The following DLGAP2 variants were observed in gnomAD, a reference collection of about 807,000 sequenced individuals.
DLGAP2 encodes DLG associated protein 2.
A neutral mutation model predicts 100.3 loss-of-function variants in DLGAP2; 26 were observed. The ratio of observed to expected loss-of-function variants is 0.26; its 90% CI spans 0.19 to 0.36. DLGAP2 has a LOEUF of 0.36. Ranked by LOEUF, DLGAP2 falls within the 10% of genes least tolerant of loss-of-function variation. The pLI is 1.00. For synonymous variants in DLGAP2, 886 were observed against 630.1 expected (o/e 1.41, Z -6.08); for missense variants, 1,858 against 1,453.2 (o/e 1.28, Z -4.53).
Position 1,298,410 on chromosome 8 carries a change from G to T in DLGAP2, c.106+39527G>T, listed in dbSNP as rs565343570. The stretch of plus-strand genomic sequence containing the variant: ...TCGCCGTCCCTCAGTGGAGACACCA[G>T]GAAGCCCTGGATCACAGTGTGACAC... On this transcript the variant is annotated intron_variant, in intron 3 of 14. Transcript: ENST00000637795. 3.9e-5 allele frequency among the ~76,000 whole-genome samples: 6 copies of T among 152,314 alleles called. No homozygotes were observed. In the East Asian group the frequency reaches 9.6e-4, roughly 24 times the overall value.
At chr8:882,176 G>A (rs1199495215) in intron 1 of DLGAP2, among the ~76,000 whole-genome samples, 4 of 152,230 alleles carry the variant, frequency 2.6e-5, no homozygotes, top group Non-Finnish European at 1.5e-5. Flanking sequence ...AGACCCAGCT[G>A]AGGCCTGAGA....
At chr8:1,020,369 G>C (rs1342729633) in intron 2 of DLGAP2, among the ~76,000 whole-genome samples, 1 of 152,200 alleles carries the variant, frequency 6.6e-6, no homozygotes, top group South Asian at 2.1e-4. Context: ...TTTATTCAAT[G>C]GTTCTGGTTG....
chr8:1,369,896 C>G (rs1431390620), intron 3 of DLGAP2: 2 of 152,252 alleles, frequency 1.3e-5, no homozygotes, highest in Admixed American at 1.3e-4. Context: ...CGTCCTGGGG[C>G]GTGCAGAGGC....
intron 2 of DLGAP2, among the ~76,000 whole-genome samples, chr8:1,146,601 A>G (rs1328100035): frequency 6.6e-6 from 1 of 151,890 alleles, no homozygotes; most frequent in African/African-American, 2.4e-5. Flanking sequence ...GCACCTGCGC[A>G]TGTGTGTGCA....
At chr8:1,476,204 C>T (rs878940057) in intron 3 of DLGAP2, among the ~76,000 whole-genome samples, 2 of 152,158 alleles carry the variant, frequency 1.3e-5, no homozygotes, top group East Asian at 1.9e-4. Context: ...ATGCGTGGCT[C>T]GTCCTGGTAC....
At chr8:1,251,329 A>T (rs1416948843) in intron 2 of DLGAP2, among the ~76,000 whole-genome samples, 2 of 152,236 alleles carry the variant, frequency 1.3e-5, no homozygotes, top group Non-Finnish European at 2.9e-5. Context: ...ATTAAAGAGT[A>T]CACATCCAAA....
chr8:752,206 T>A (rs1367925091), intron 1 of DLGAP2, among the ~76,000 whole-genome samples: 1 of 152,186 alleles, frequency 6.6e-6, no homozygotes, highest in African/African-American at 2.4e-5. Context: ...GAGGTCAGTG[T>A]GGGCTGAATC....
At chr8:1,554,661 G>A (rs528901441) in intron 5 of DLGAP2, among the ~76,000 whole-genome samples, 49 of 152,242 alleles carry the variant, frequency 3.2e-4, no homozygotes, top group African/African-American at 1.1e-3. Context: ...AGGGGCACCT[G>A]TATCCTGCAG....
chr8:803,833 T>A (rs1294344120), intron 1 of DLGAP2, among the ~76,000 whole-genome samples: 1 of 152,226 alleles, frequency 6.6e-6, no homozygotes, highest in Non-Finnish European at 1.5e-5. Context: ...ATGTTTGCAC[T>A]GCACTATTGA....
At chr8:1,425,176 A>G (rs1047244145) in intron 3 of DLGAP2, among the ~76,000 whole-genome samples, 2 of 152,218 alleles carry the variant, frequency 1.3e-5, no homozygotes, top group Non-Finnish European at 2.9e-5. Context: ...AATTATGCCT[A>G]ACTCCATAGC....
chr8:1,300,267 A>G (rs897607101), intron 3 of DLGAP2: 1 of 149,210 alleles, frequency 6.7e-6, no homozygotes, highest in Non-Finnish European at 1.5e-5. Context: ...ATATATATAT[A>G]CATACACATA....
intron 3 of DLGAP2, among the ~76,000 whole-genome samples, chr8:1,439,799 C>A (rs1584905657): frequency 6.6e-6 from 1 of 152,138 alleles, no homozygotes; most frequent in African/African-American, 2.4e-5. Flanking sequence ...CACGTGTGCA[C>A]ACAGGGCCTG....
chr8:1,164,112 G>GCCC lies in DLGAP2; in HGVS notation c.74-94738_74-94736dup, dbSNP rs113885366. ...GTGCTGGGGACAGATTTTTCTGTGA[G>GCCC]CCCGCAGGGCCCGTCATTTTGGTTT... On this transcript the variant is annotated intron_variant, in intron 2 of 14. Coordinates refer to ENST00000637795, the MANE Select transcript of DLGAP2 (RefSeq NM_001346810.2). Among the ~76,000 whole-genome samples, 3 of 29,950 alleles carry GCCC rather than the reference G, an allele frequency of 1.0e-4. 1 individual carries two copies. The highest frequency in any genetic ancestry group is 1.9e-4 in the African/African-American group (2 of 10,380). 19.6% of individuals were successfully genotyped at this position (29,950 alleles called of 152,430 possible). A position where few individuals can be genotyped will look rare whatever the true frequency, so the allele number is the denominator to read the frequency against.
At chr8:1,303,170 G>A (rs1353941489) in intron 3 of DLGAP2, among the ~76,000 whole-genome samples, 1 of 152,170 alleles carries the variant, frequency 6.6e-6, no homozygotes, top group Non-Finnish European at 1.5e-5. Context: ...GGCCGAGGCG[G>A]GTGGATCACA....
intron 3 of DLGAP2, among the ~76,000 whole-genome samples, chr8:1,309,654 C>G (rs892904301): frequency 2.6e-5 from 4 of 152,166 alleles, no homozygotes; most frequent in African/African-American, 7.2e-5. Context: ...AGGTCTTCAG[C>G]GATGGTGAAT....
At chr8:1,087,492 T>G (rs545276250) in intron 2 of DLGAP2, among the ~76,000 whole-genome samples, 10 of 151,692 alleles carry the variant, frequency 6.6e-5, no homozygotes, top group Non-Finnish European at 1.5e-4. Flanking sequence ...TGATTTGTAA[T>G]CTCAGACATT....
chr8:1,027,370 C>T (rs1801831247), intron 2 of DLGAP2, among the ~76,000 whole-genome samples: 1 of 151,704 alleles, frequency 6.6e-6, no homozygotes, highest in Non-Finnish European at 1.5e-5. Flanking sequence ...CGTTATTCTC[C>T]AGGTGGGGTG....
At chr8:1,647,437 C>G (rs144919506) in intron 8 of DLGAP2, among the ~76,000 whole-genome samples, 3,112 of 130,018 alleles carry the variant, frequency 0.024, 48 homozygotes, top group Middle Eastern at 0.053. Flanking sequence ...TGCAGTGAGC[C>G]GAGATCGCGC....
intron 8 of DLGAP2, among the ~76,000 whole-genome samples, chr8:1,657,244 C>T (rs1036540498): frequency 2.6e-5 from 4 of 152,182 alleles, no homozygotes; most frequent in African/African-American, 9.7e-5. Context: ...CTTGATTCAT[C>T]TTCTTTTTAA....
Sources: allele counts gnomAD v4.1 joint callset (sites outside exome capture counted in the v4.1 genomes callset), GRCh38; gene constraint gnomAD v4.1.1; transcripts MANE v1.5; gene names NCBI Gene and HGNC (gene_info 2026-07-23, HGNC 2026-07-21).